SEPTIN14: variants seen among roughly 807,000 people sequenced by gnomAD.
SEPTIN14 encodes the protein septin 14, also known as septin-14.
SEPTIN14 carries 40 observed loss-of-function variants against 53.6 expected under a neutral mutation model. The ratio of observed to expected loss-of-function variants is 0.75; its 90% CI spans 0.58 to 0.97. The LOEUF (loss-of-function observed/expected upper bound fraction) is 0.97. SEPTIN14 is among the 50% of genes least tolerant of loss of function. The pLI is 0.00. For synonymous variants in SEPTIN14, 138 were observed against 166.8 expected, an observed-to-expected ratio of 0.83 and a Z score of 1.33; for missense variants, 471 against 508.2, an observed-to-expected ratio of 0.93 and a Z score of 0.70.
At position 55,812,954 on chromosome 7, in the gene SEPTIN14, C is replaced by CT. The variant is rs554878767; in HGVS notation, c.818-5697dup. Reference sequence around the variant, plus strand: ...TTCTGCTAGTGCCCACGACAGGAGCCTTTTTTTTTTTTTTAGATGGAGTCT... The same window carrying CT: ...TTCTGCTAGTGCCCACGACAGGAGCCTTTTTTTTTTTTTTTAGATGGAGTCT... On this transcript the variant is annotated intron_variant, in intron 7 of 9. Coordinates refer to ENST00000388975, the MANE Select transcript of SEPTIN14 (RefSeq NM_207366.3). Among the ~76,000 whole-genome samples, 699 of 140,466 alleles carry CT rather than the reference C, an allele frequency of 5.0e-3. 4 individuals carry two copies. Among genetic ancestry groups the CT allele is most frequent in the African/African-American group, 0.015 (594 of 38,396 alleles). 92.2% of individuals were successfully genotyped at this position (140,466 alleles called of 152,430 possible).
At chr7:55,834,643 T>C in intron 5 of SEPTIN14, 57 bp from the exon 6 acceptor site, 1 of 1,398,270 alleles carries the variant, frequency 7.2e-7, no homozygotes, top group Non-Finnish European at 9.7e-7. Context: ...AGTTTTTTTG[T>C]TTTTTGTTTT....
At position 55,843,130 on chromosome 7, in the gene SEPTIN14, T is replaced by TA. The variant is rs755952887; in HGVS notation, c.372-3dup. 218 of 1,536,154 alleles carry TA rather than the reference T, an allele frequency of 1.4e-4. No homozygotes were observed. The highest frequency in any genetic ancestry group is 3.4e-4 in the Admixed American group (15 of 44,420). The stretch of plus-strand genomic sequence containing the variant: ...ATGTAGTCAACTATTGGTTGGTAGC[T>TA]AAAAAAAAATTTATACATTTAGCAT... On this transcript the variant is annotated splice_region_variant and splice_polypyrimidine_tract_variant and intron_variant, in intron 4 of 9. Transcript: ENST00000388975.
At chr7:55,827,658 TC>T (rs1789014627) in intron 6 of SEPTIN14, among the ~76,000 whole-genome samples, 1 of 152,156 alleles carries the variant, frequency 6.6e-6, no homozygotes, top group Non-Finnish European at 1.5e-5. Context: ...AGCTGTGTCT[TC>T]CCCTCTGGGC....
chr7:55,828,900 C>G (rs981090808), intron 6 of SEPTIN14, among the ~76,000 whole-genome samples: 3 of 152,030 alleles, frequency 2.0e-5, no homozygotes, highest in African/African-American at 4.8e-5. Context: ...ATTATTCCCT[C>G]AAATATGTTT....
rs186774204 is a variant in SEPTIN14 at position 55,835,271 on chromosome 7, T to C, written c.559-685A>G. 2.9e-3 allele frequency among the ~76,000 whole-genome samples: 434 copies of C among 151,756 alleles called. 5 individuals carry two copies. Among genetic ancestry groups the C allele is most frequent in the Middle Eastern group, 0.01 (3 of 294 alleles). ...GCTCTGGAGTGCAGTAGCGCGATCT[T>C]GGCTCACTGCAAGCTCCGCCTCCCA... is the stretch of plus-strand genomic sequence containing the variant. On this transcript the variant is annotated intron_variant, in intron 5 of 9. Coordinates refer to ENST00000388975, the MANE Select transcript of SEPTIN14 (RefSeq NM_207366.3).
intron 6 of SEPTIN14, among the ~76,000 whole-genome samples, chr7:55,827,078 G>C (rs1789001012): frequency 6.6e-6 from 1 of 152,158 alleles, no homozygotes; most frequent in Non-Finnish European, 1.5e-5. Flanking sequence ...AGTCCCTCCA[G>C]TACTTATGCA....
chr7:55,853,221 T>C (rs1204101459), intron 2 of SEPTIN14, among the ~76,000 whole-genome samples: 2 of 152,178 alleles, frequency 1.3e-5, no homozygotes, highest in Non-Finnish European at 2.9e-5. Flanking sequence ...AAGAGATATC[T>C]ACACTCCCAT....
intron 6 of SEPTIN14, among the ~76,000 whole-genome samples, chr7:55,820,498 A>G: frequency 6.6e-6 from 1 of 152,166 alleles, no homozygotes; most frequent in East Asian, 1.9e-4. Context: ...TTTGGCACTT[A>G]CACCTCAGAA....
chr7:55,857,020 A>T (rs567516947), intron 2 of SEPTIN14, among the ~76,000 whole-genome samples: 1 of 151,708 alleles, frequency 6.6e-6, no homozygotes, highest in Admixed American at 6.6e-5. Flanking sequence ...CAGTAAGCCA[A>T]GATTGTGCCA....
chr7:55,838,570 T>C (rs1478865678), intron 5 of SEPTIN14, among the ~76,000 whole-genome samples: 3 of 130,602 alleles, frequency 2.3e-5, no homozygotes, highest in East Asian at 5.3e-4. Context: ...TCTTTCTCTC[T>C]TTCTCTCTTT....
At position 55,843,078 on chromosome 7, in the gene SEPTIN14, T is replaced by G; in HGVS notation, c.422A>C (p.Gln141Pro). The change falls in exon 5 of 10, where the codon CAA (glutamine) becomes CCA (proline). Residue 141 changes from glutamine (Q) to proline (P), a missense_variant. Transcript: ENST00000388975. ...GGAACGTTTAATCTTCAGTTCTTCT[T>G]GAAGATAGGCCTCAAATTGGGCATC... is the stretch of plus-strand genomic sequence containing the variant. Reference protein sequence around the residue: ...YIDAQFEAYLQEELKIKRSLF... With the variant: ...YIDAQFEAYLPEELKIKRSLF... 6.2e-7 allele frequency: 1 copy of G among 1,606,544 alleles called. No individual in the cohort carries two copies. The highest frequency in any genetic ancestry group is 1.1e-5 in the South Asian group (1 of 89,060).
At chr7:55,824,094 C>T (rs909437620) in intron 6 of SEPTIN14, among the ~76,000 whole-genome samples, 3 of 152,122 alleles carry the variant, frequency 2.0e-5, no homozygotes, top group Admixed American at 6.5e-5. Flanking sequence ...ATGACTTCAT[C>T]GATATAACAC....
chr7:55,846,394 G>T (rs1322232360), intron 3 of SEPTIN14, 123 bp downstream of exon 3: 33 of 685,086 alleles, frequency 4.8e-5, no homozygotes, highest in Non-Finnish European at 6.3e-5. Flanking sequence ...GCTAAGATGA[G>T]AATCACTGTA....
chr7:55,821,360 T>G (rs899025203), intron 6 of SEPTIN14, among the ~76,000 whole-genome samples: 3 of 152,080 alleles, frequency 2.0e-5, no homozygotes, highest in Non-Finnish European at 4.4e-5. Flanking sequence ...CAGGGCAGGG[T>G]GGGTAACCTG....
chr7:55,843,141 T>C lies in SEPTIN14; in HGVS notation c.372-13A>G. The C allele has an allele frequency of 6.6e-7, 1 of 1,519,712 alleles. No homozygotes were observed. The highest frequency in any genetic ancestry group is 8.8e-7 in the Non-Finnish European group (1 of 1,130,212). The allele number at this position is 1,519,712 out of a possible 1,614,324, so 94.1% of individuals were successfully genotyped here. ...TATTGGTTGGTAGCTAAAAAAAAATTTATACATTTAGCATAACAGACTAAT... is the reference window on the plus strand; with the variant it reads ...TATTGGTTGGTAGCTAAAAAAAAATCTATACATTTAGCATAACAGACTAAT... On this transcript the variant is annotated splice_polypyrimidine_tract_variant and intron_variant, in intron 4 of 9. Transcript: ENST00000388975.
At chr7:55,856,479 C>T (rs1027975041) in intron 2 of SEPTIN14, among the ~76,000 whole-genome samples, 2 of 151,802 alleles carry the variant, frequency 1.3e-5, no homozygotes, top group Admixed American at 6.6e-5. Flanking sequence ...GCAATCTCCG[C>T]CTCCCAGGTT....
chr7:55,858,673 G>A (rs370752399), intron 2 of SEPTIN14, among the ~76,000 whole-genome samples: 201 of 152,196 alleles, frequency 1.3e-3, no homozygotes, highest in African/African-American at 4.7e-3. Flanking sequence ...GCGTGGTGGC[G>A]CATGCCTATA....
At chr7:55,854,448 G>A (rs1178474664) in intron 2 of SEPTIN14, among the ~76,000 whole-genome samples, 4 of 143,134 alleles carry the variant, frequency 2.8e-5, no homozygotes, top group African/African-American at 1.0e-4. Flanking sequence ...TTTTTTTTTT[G>A]AGACGGAGTC....
intron 6 of SEPTIN14, among the ~76,000 whole-genome samples, chr7:55,830,340 TATATATATA>T (rs534518885): frequency 0.012 from 436 of 37,394 alleles, 10 homozygotes; most frequent in African/African-American, 0.037. Flanking sequence ...TATATATATA[TATATATATA>T]TTTTTTTTTT....
Sources: gnomAD v4.1 joint callset for allele counts (sites outside exome capture counted in the v4.1 genomes callset) on GRCh38, gnomAD v4.1.1 for gene constraint, MANE v1.5 for transcripts, NCBI Gene and HGNC (gene_info 2026-07-23, HGNC 2026-07-21) for gene names.